SORBS2: variants seen among roughly 807,000 people sequenced by gnomAD.
SORBS2 encodes sorbin and SH3 domain-containing protein 2.
A neutral mutation model predicts 97.7 loss-of-function variants in SORBS2; 46 were observed. The ratio of observed to expected loss-of-function variants is 0.47; its 90% CI spans 0.37 to 0.60. The LOEUF (loss-of-function observed/expected upper bound fraction) is 0.60, where lower values mean the gene tolerates loss of function less well. SORBS2 is among the 20% of genes least tolerant of loss of function. The pLI, the probability that SORBS2 is intolerant of heterozygous loss-of-function variation, is 0.00. For missense variants in SORBS2, 1,316 were observed against 1,282.3 expected (o/e 1.03, Z -0.40); for synonymous variants, 476 against 473.4 (o/e 1.01, Z -0.07).
intron 2 of SORBS2, among the ~76,000 whole-genome samples, chr4:185,680,296 ACTGG>A (rs1185756638): frequency 1.3e-5 from 2 of 152,246 alleles, no homozygotes; most frequent in African/African-American, 4.8e-5. Flanking sequence ...GGTATGTGCC[ACTGG>A]GCCTGGCCCT....
chr4:185,946,084 T>C (rs936933195), intron 1 of SORBS2, among the ~76,000 whole-genome samples: 1 of 151,846 alleles, frequency 6.6e-6, no homozygotes, highest in Admixed American at 6.6e-5. Context: ...GAGGAAGTGA[T>C]CCTTTTGGGG....
intron 1 of SORBS2, among the ~76,000 whole-genome samples, chr4:185,938,427 CA>C (rs1561319563): frequency 1.0e-3 from 152 of 149,430 alleles, no homozygotes; most frequent in African/African-American, 3.7e-3. Flanking sequence ...CACACACACA[CA>C]CACCCTTTTA....
chr4:185,783,327 T>C (rs1339208607), intron 1 of SORBS2, among the ~76,000 whole-genome samples: 1 of 152,222 alleles, frequency 6.6e-6, no homozygotes, highest in Non-Finnish European at 1.5e-5. Flanking sequence ...GCAGACTCTC[T>C]CTCTACTTCT....
At chr4:185,598,239 A>C (rs1323605564) in intron 12 of SORBS2, among the ~76,000 whole-genome samples, 1 of 152,190 alleles carries the variant, frequency 6.6e-6, no homozygotes, top group African/African-American at 2.4e-5. Flanking sequence ...AACAAGAGAA[A>C]AATCCAGTGA....
chr4:185,940,438 C>T (rs1260966198), intron 1 of SORBS2, among the ~76,000 whole-genome samples: 1 of 152,148 alleles, frequency 6.6e-6, no homozygotes, highest in East Asian at 1.9e-4. Context: ...AATCCTGTTG[C>T]AGCTCACCAC....
intron 4 of SORBS2, chr4:185,665,758 G>A (rs1459477221): frequency 2.9e-6 from 3 of 1,047,786 alleles, no homozygotes; most frequent in Non-Finnish European, 3.5e-6. Context: ...GGTGGTTAAG[G>A]TGGTGCCATC....
At chr4:185,835,456 T>G (rs997562080) in intron 1 of SORBS2, among the ~76,000 whole-genome samples, 2 of 152,198 alleles carry the variant, frequency 1.3e-5, no homozygotes, top group Non-Finnish European at 2.9e-5. Context: ...TTATCTCACA[T>G]TCAGGTGAAC....
At chr4:185,855,350 C>G (rs915244017) in intron 1 of SORBS2, among the ~76,000 whole-genome samples, 1 of 152,144 alleles carries the variant, frequency 6.6e-6, no homozygotes, top group Admixed American at 6.5e-5. Flanking sequence ...TGGACACACA[C>G]ATTCATCTAT....
intron 1 of SORBS2, among the ~76,000 whole-genome samples, chr4:185,847,111 T>A (rs1414846477): frequency 6.6e-6 from 1 of 152,106 alleles, no homozygotes; most frequent in Non-Finnish European, 1.5e-5. Context: ...TCCCCAAAAC[T>A]TACACTTATC....
chr4:185,775,992 C>G (rs1431795781), intron 1 of SORBS2: 2 of 152,202 alleles, frequency 1.3e-5, no homozygotes, highest in Non-Finnish European at 2.9e-5. Context: ...CAAACAGTGA[C>G]CCCTGCTTCT....
intron 2 of SORBS2, among the ~76,000 whole-genome samples, chr4:185,689,256 A>G (rs1405514015): frequency 6.6e-6 from 1 of 152,212 alleles, no homozygotes; most frequent in East Asian, 1.9e-4. Context: ...ACTTAAGTCT[A>G]CAGGGAAATG....
At chr4:185,910,574 G>A (rs1364444714) in intron 1 of SORBS2, among the ~76,000 whole-genome samples, 2 of 151,892 alleles carry the variant, frequency 1.3e-5, no homozygotes, top group Non-Finnish European at 2.9e-5. Context: ...TTGAGTCTGG[G>A]TCTCACTCTC....
chr4:185,735,516 A>G (rs992526169), intron 2 of SORBS2, among the ~76,000 whole-genome samples: 2 of 146,814 alleles, frequency 1.4e-5, no homozygotes, highest in Non-Finnish European at 3.1e-5. Context: ...ACACACACAA[A>G]CAAACACACA....
chr4:185,879,166 C>CT (rs2099235380), intron 1 of SORBS2, among the ~76,000 whole-genome samples: 2 of 62,862 alleles, frequency 3.2e-5, no homozygotes, highest in Non-Finnish European at 3.2e-5. Context: ...TGCTATCCCT[C>CT]CCCCCCCCCC....
intron 1 of SORBS2, among the ~76,000 whole-genome samples, chr4:185,945,441 G>A (rs1383163192): frequency 6.6e-6 from 1 of 152,136 alleles, no homozygotes; most frequent in Non-Finnish European, 1.5e-5. Flanking sequence ...ACATTTAATA[G>A]GCAACATTTC....
At position 185,853,577 on chromosome 4, in the gene SORBS2, G is replaced by A. The variant is rs2099219098; in HGVS notation, c.-337-78211C>T. 3.9e-5 allele frequency among the ~76,000 whole-genome samples: 6 copies of A among 152,102 alleles called. No individual in the cohort carries two copies. In the South Asian group the frequency reaches 1.0e-3, roughly 26 times the overall value. ...GAGGTACACCTTCTGCCCAGTTTTGGGGAGAAATATGCAAACTTATTTTTA... is the reference window on the plus strand; with the variant it reads ...GAGGTACACCTTCTGCCCAGTTTTGAGGAGAAATATGCAAACTTATTTTTA... On this transcript the variant is annotated intron_variant, in intron 1 of 20. Transcript: ENST00000284776.
chr4:185,864,692 C>T (rs181740898), intron 1 of SORBS2, among the ~76,000 whole-genome samples: 1 of 152,242 alleles, frequency 6.6e-6, no homozygotes, highest in East Asian at 1.9e-4. Context: ...AGTCAGATTG[C>T]TTGAGGTCAG....
chr4:185,595,125 C>A (rs1008697724), intron 12 of SORBS2, among the ~76,000 whole-genome samples: 7 of 152,124 alleles, frequency 4.6e-5, no homozygotes, highest in African/African-American at 7.2e-5. Context: ...CTTTATCCAC[C>A]CCCTTTCTAT....
chr4:185,638,185 G>A (rs760971717), intron 4 of SORBS2, 23 bp from the exon 15 acceptor site: 6 of 1,491,480 alleles, frequency 4.0e-6, no homozygotes, highest in Admixed American at 3.4e-5. Context: ...TGAAGGAAAA[G>A]GGAAGGAAAA....
Sources: allele counts gnomAD v4.1 joint callset (sites outside exome capture counted in the v4.1 genomes callset), GRCh38; gene constraint gnomAD v4.1.1; transcripts MANE v1.5; gene names NCBI Gene and HGNC (gene_info 2026-07-23, HGNC 2026-07-21).